The following POLK variants were observed in gnomAD, a reference collection of about 807,000 sequenced individuals.
The protein encoded by POLK is DNA polymerase kappa.
In POLK, 76 loss-of-function variants were observed where a neutral mutation model predicts 94.0. The ratio of observed to expected loss-of-function variants is 0.81; its 90% confidence interval spans 0.67 to 0.98. The LOEUF is 0.98. POLK is among the 50% of genes least tolerant of loss of function. POLK has a pLI of 0.00. For synonymous variants in POLK, 349 were observed against 325.4 expected, an observed-to-expected ratio of 1.07 and a Z score of -0.78; for missense variants, 954 against 1,010.1, an observed-to-expected ratio of 0.94 and a Z score of 0.75.
intron 3 of POLK, 61 bp downstream of exon 3, chr5:75,552,652 G>A: frequency 1.4e-6 from 2 of 1,390,960 alleles, no homozygotes; most frequent in South Asian, 1.4e-5. Flanking sequence ...CAGTTAAAAT[G>A]TATTGTCAAG....
chr5:75,558,762 T>G (rs1051952243), intron 3 of POLK, among the ~76,000 whole-genome samples: 15 of 152,234 alleles, frequency 9.9e-5, no homozygotes, highest in African/African-American at 3.4e-4. Context: ...ATTTTAAAAT[T>G]GATATTAATC....
At chr5:75,596,802 A>G in exon 13 of POLK, 11 of 1,611,890 alleles carry the variant, frequency 6.8e-6, no homozygotes, top group Non-Finnish European at 9.3e-6. Flanking sequence ...GTATAGCTTT[A>G]GTAGATACTA....
rs5744606 is a variant in POLK at position 75,552,643 on chromosome 5, A to C, written c.255+52A>C. 15 of 1,484,116 alleles carry C rather than the reference A, an allele frequency of 1.0e-5. No homozygotes were observed. In the African/African-American group the frequency reaches 1.7e-4, roughly 17 times the overall value. 91.9% of individuals were successfully genotyped at this position (1,484,116 alleles called of 1,614,324 possible). On this transcript the variant is annotated intron_variant, in intron 3 of 14. Coordinates refer to ENST00000241436, the Ensembl canonical transcript of POLK. ...GGAAGCTGGTAGAATAGTAATTGAC[A>C]GTTAAAATGTATTGTCAAGTCATAA...
At chr5:75,552,642 C>G in intron 3 of POLK, 51 bp downstream of exon 3, 1 of 1,491,320 alleles carries the variant, frequency 6.7e-7, no homozygotes, top group Non-Finnish European at 9.1e-7. Context: ...TAGTAATTGA[C>G]AGTTAAAATG....
At chr5:75,516,500 A>T (rs1768327832) in intron 1 of POLK, among the ~76,000 whole-genome samples, 2 of 152,214 alleles carry the variant, frequency 1.3e-5, no homozygotes, top group African/African-American at 4.8e-5. Flanking sequence ...AAATAAAGTT[A>T]AATGAATAAA....
At chr5:75,555,141 G>A (rs1770554182) in intron 3 of POLK, among the ~76,000 whole-genome samples, 1 of 152,128 alleles carries the variant, frequency 6.6e-6, no homozygotes, top group Non-Finnish European at 1.5e-5. Flanking sequence ...AATCTACGTT[G>A]ACACAACATT....
At chr5:75,596,773 G>C (rs759513397) in exon 13 of POLK, 1 of 1,612,194 alleles carries the variant, frequency 6.2e-7, no homozygotes, top group South Asian at 1.1e-5. Context: ...AAAAATTAAA[G>C]AAATATCTTC....
chr5:75,597,953 T>C (rs758348890), exon 15 of POLK: 1 of 1,502,040 alleles, frequency 6.7e-7, no homozygotes, highest in Non-Finnish European at 9.0e-7. Flanking sequence ...GATGACAAAG[T>C]ACTCAACATC....
chr5:75,580,558 CT>C, intron 6 of POLK: 1 of 834,338 alleles, frequency 1.2e-6, no homozygotes, highest in Non-Finnish European at 1.4e-6. Flanking sequence ...CCAATCAGAC[CT>C]TCAGAATTTG....
At chr5:75,564,312 G>A (rs1008355335) in intron 3 of POLK, among the ~76,000 whole-genome samples, 7 of 149,850 alleles carry the variant, frequency 4.7e-5, no homozygotes, top group South Asian at 2.1e-4. Flanking sequence ...ATTTTGAGCC[G>A]TTGTGTGTCT....
chr5:75,587,080 T>A lies in POLK; in HGVS notation c.1259+22T>A, dbSNP rs182965407. 3.8e-6 allele frequency: 5 copies of A among 1,303,750 alleles called. No homozygotes were observed. The East Asian group carries it at 1.2e-4, about 31-fold the overall frequency. 80.8% of individuals were successfully genotyped at this position (1,303,750 alleles called of 1,614,324 possible). On this transcript the variant is annotated intron_variant, in intron 10 of 14. Coordinates refer to ENST00000241436, the Ensembl canonical transcript of POLK. Reference sequence around the variant, plus strand: ...AGAGGTAATGTTTTATTATTTATTGTTAATTGTGCATAATTCATGTTATTT... The same window carrying A: ...AGAGGTAATGTTTTATTATTTATTGATAATTGTGCATAATTCATGTTATTT...
At chr5:75,556,557 C>T (rs1770629088) in intron 3 of POLK, among the ~76,000 whole-genome samples, 1 of 152,078 alleles carries the variant, frequency 6.6e-6, no homozygotes, top group East Asian at 1.9e-4. Context: ...TGGATTGTGC[C>T]TTTGGTATTG....
At chr5:75,563,880 G>A (rs1771124613) in intron 3 of POLK, among the ~76,000 whole-genome samples, 1 of 152,094 alleles carries the variant, frequency 6.6e-6, no homozygotes, top group Admixed American at 6.6e-5. Context: ...GTTGATTTGG[G>A]GTGGAAAGTT....
At chr5:75,547,242 T>C (rs1364492761) in intron 2 of POLK, 85 bp downstream of exon 2, 7 of 502,354 alleles carry the variant, frequency 1.4e-5, no homozygotes, top group Non-Finnish European at 2.2e-5. Flanking sequence ...ATATCATTTG[T>C]ATTTAATATT....
At chr5:75,534,756 T>C (rs1372172635) in intron 1 of POLK, 2 of 152,216 alleles carry the variant, frequency 1.3e-5, no homozygotes, top group African/African-American at 4.8e-5. Context: ...GATCTTTGTT[T>C]ATTTAAAGTC....
intron 4 of POLK, among the ~76,000 whole-genome samples, chr5:75,573,462 A>T (rs1171910607): frequency 2.0e-5 from 3 of 152,200 alleles, no homozygotes; most frequent in Non-Finnish European, 2.9e-5. Flanking sequence ...ATGTATACAT[A>T]TGTAACTAAC....
chr5:75,596,124 C>T (rs575107092), intron 12 of POLK, 98 bp from the exon 13 acceptor site: 1 of 686,248 alleles, frequency 1.5e-6, no homozygotes, highest in Non-Finnish European at 2.6e-6. Flanking sequence ...TCTAGCCAAC[C>T]TTTTGTATAT....
intron 1 of POLK, among the ~76,000 whole-genome samples, chr5:75,527,256 C>G (rs1350601002): frequency 6.6e-6 from 1 of 151,928 alleles, no homozygotes; most frequent in Non-Finnish European, 1.5e-5. Context: ...GGTTCACACC[C>G]CTAATCTCAG....
upstream of POLK, chr5:75,511,355 C>T (rs747700913): frequency 7.8e-6 from 12 of 1,542,434 alleles, no homozygotes; most frequent in South Asian, 1.2e-4. Context: ...GGGACGAAGT[C>T]CGCCCGCCGC....
Sources: gnomAD v4.1 joint callset for allele counts (sites outside exome capture counted in the v4.1 genomes callset) on GRCh38, gnomAD v4.1.1 for gene constraint, MANE v1.5 for transcripts, NCBI Gene and HGNC (gene_info 2026-07-23, HGNC 2026-07-21) for gene names.